Variants in MICAL2 observed in about 807,000 individuals in gnomAD.
MICAL2 encodes [F-actin]-monooxygenase MICAL2.
MICAL2 carries 77 observed loss-of-function variants against 127.3 expected under a neutral mutation model. The observed-to-expected ratio is 0.60, with a 90% CI of 0.50 to 0.73. MICAL2 has a LOEUF of 0.73. Among genes scored for constraint, MICAL2 ranks in the 30% least tolerant of loss-of-function variants. The pLI, the probability that MICAL2 is intolerant of heterozygous loss-of-function variation, is 0.00. For missense variants in MICAL2, 1,351 were observed against 1,434.4 expected, an observed-to-expected ratio of 0.94 and a Z score of 0.94; for synonymous variants, 570 against 551.1, an observed-to-expected ratio of 1.03 and a Z score of -0.48.
chr11:12,142,713 TC>T (rs1255740016), intron 2 of MICAL2, among the ~76,000 whole-genome samples: 1 of 152,380 alleles, frequency 6.6e-6, no homozygotes, highest in African/African-American at 2.4e-5. Flanking sequence ...ACCTTGTTTT[TC>T]CTCATAGCAG....
intron 29 of MICAL2, among the ~76,000 whole-genome samples, chr11:12,315,203 C>G (rs1319830200): frequency 6.6e-6 from 1 of 152,112 alleles, no homozygotes; most frequent in African/African-American, 2.4e-5. Context: ...TCTTCAAAGT[C>G]AATTGTCAGT....
At chr11:12,307,037 A>G (rs751229220) in intron 29 of MICAL2, among the ~76,000 whole-genome samples, 5 of 152,206 alleles carry the variant, frequency 3.3e-5, no homozygotes, top group Non-Finnish European at 5.9e-5. Context: ...AACTTGTCAA[A>G]TTATTTTCCA....
chr11:12,351,293 C>T (rs976600013), intron 33 of MICAL2, among the ~76,000 whole-genome samples: 1 of 152,162 alleles, frequency 6.6e-6, no homozygotes, highest in Non-Finnish European at 1.5e-5. Context: ...TCCTTAGGGG[C>T]AAGGCTGTTA....
chr11:12,198,850 T>C (rs934486003), intron 3 of MICAL2, among the ~76,000 whole-genome samples: 1 of 152,228 alleles, frequency 6.6e-6, no homozygotes, highest in African/African-American at 2.4e-5. Context: ...AGCCTATGAT[T>C]TCCCACCCTG....
At chr11:12,309,485 T>A (rs1864148169) in intron 29 of MICAL2, among the ~76,000 whole-genome samples, 2 of 152,186 alleles carry the variant, frequency 1.3e-5, no homozygotes, top group Admixed American at 6.5e-5. Context: ...TTCAGTTTCA[T>A]CCATGTTGAG....
At chr11:12,295,804 G>A (rs1863979379), downstream of MICAL2, among the ~76,000 whole-genome samples, 1 of 151,970 alleles carries the variant, frequency 6.6e-6, no homozygotes, top group African/African-American at 2.4e-5. Flanking sequence ...TGGTGGGTAT[G>A]TTATTTAATG....
intron 32 of MICAL2, among the ~76,000 whole-genome samples, chr11:12,333,954 G>A (rs1938698220): frequency 6.6e-6 from 1 of 152,114 alleles, no homozygotes; most frequent in Non-Finnish European, 1.5e-5. Context: ...GTGATTCTGA[G>A]ACAATTGGTT....
At chr11:12,133,339 C>T (rs1358583313) in intron 1 of MICAL2, among the ~76,000 whole-genome samples, 3 of 152,180 alleles carry the variant, frequency 2.0e-5, no homozygotes, top group Admixed American at 2.0e-4. Flanking sequence ...GCCTCGGGCT[C>T]CCAAAGTGCT....
At chr11:12,193,565 A>G (rs1280015161) in intron 3 of MICAL2, among the ~76,000 whole-genome samples, 2 of 152,174 alleles carry the variant, frequency 1.3e-5, no homozygotes. Context: ...AGTGCCTGTG[A>G]GGGAGAGAGA....
chr11:12,137,545 C>T (rs1235026193), intron 1 of MICAL2, among the ~76,000 whole-genome samples: 3 of 152,060 alleles, frequency 2.0e-5, no homozygotes, highest in Non-Finnish European at 4.4e-5. Flanking sequence ...ACAGTGAGTC[C>T]CATCTCCCAG....
intron 2 of MICAL2, among the ~76,000 whole-genome samples, chr11:12,142,536 TTCAG>T (rs1218281021): frequency 2.0e-5 from 3 of 152,220 alleles, no homozygotes; most frequent in African/African-American, 7.2e-5. Flanking sequence ...GAGGGGCTTT[TTCAG>T]TCAGAGACTG....
chr11:12,302,573 T>C (rs984750336), intron 29 of MICAL2, among the ~76,000 whole-genome samples: 1 of 152,224 alleles, frequency 6.6e-6, no homozygotes, highest in African/African-American at 2.4e-5. Context: ...ATGAAGTCTC[T>C]GTTGAAGTCT....
chr11:12,297,034 G>A (rs142887064), downstream of MICAL2, among the ~76,000 whole-genome samples: 2 of 152,244 alleles, frequency 1.3e-5, no homozygotes, highest in Admixed American at 6.5e-5. Context: ...AGGCCATTAA[G>A]CATGTGCGTG....
At chr11:12,281,502 C>G in intron 2 of MICAL2, among the ~76,000 whole-genome samples, 1 of 152,154 alleles carries the variant, frequency 6.6e-6, no homozygotes, top group East Asian at 1.9e-4. Flanking sequence ...TGCTGTTGGA[C>G]AACATGCAGC....
chr11:12,216,625 G>T (rs1360932746), intron 8 of MICAL2, among the ~76,000 whole-genome samples: 1 of 152,122 alleles, frequency 6.6e-6, no homozygotes, highest in Non-Finnish European at 1.5e-5. Context: ...TCTCTGGGAG[G>T]TCACATGTCA....
chr11:12,234,494 G>A (rs890424471), intron 15 of MICAL2, among the ~76,000 whole-genome samples: 4 of 152,124 alleles, frequency 2.6e-5, no homozygotes, highest in Non-Finnish European at 4.4e-5. Flanking sequence ...TGTTTCTCTT[G>A]GTGTTTGCCC....
intron 1 of MICAL2, among the ~76,000 whole-genome samples, chr11:12,129,018 T>C (rs1590002521): frequency 6.6e-6 from 1 of 152,344 alleles, no homozygotes; most frequent in Non-Finnish European, 1.5e-5. Context: ...ATCTCTGAGG[T>C]CAGGGTAGAA....
intron 22 of MICAL2, chr11:12,252,596 C>T (rs1388358163): frequency 6.6e-6 from 1 of 152,254 alleles, no homozygotes; most frequent in Non-Finnish European, 1.5e-5. Context: ...GTCTGCCAGG[C>T]ACTCCTTTCC....
chr11:12,340,545 G>T (rs1938846646), intron 32 of MICAL2, among the ~76,000 whole-genome samples: 1 of 152,120 alleles, frequency 6.6e-6, no homozygotes, highest in South Asian at 2.1e-4. Context: ...ATATACTCCA[G>T]AGAAACTCTT....
Sources: allele counts gnomAD v4.1 joint callset (sites outside exome capture counted in the v4.1 genomes callset), GRCh38; gene constraint gnomAD v4.1.1; transcripts MANE v1.5; gene names NCBI Gene and HGNC (gene_info 2026-07-23, HGNC 2026-07-21).